EMCN: variants seen among roughly 807,000 people sequenced by gnomAD.
The protein encoded by EMCN is endomucin, also known as MUC-14.
In EMCN, 37 loss-of-function variants were observed where a neutral mutation model predicts 38.4. The observed-to-expected ratio is 0.96, with a 90% CI of 0.74 to 1.27. The LOEUF is 1.27. EMCN is among the 50% of genes most tolerant of loss of function. EMCN has a pLI of 0.00. For missense variants in EMCN, 318 were observed against 302.8 expected (o/e 1.05, Z -0.37); for synonymous variants, 95 against 100.8 (o/e 0.94, Z 0.35).
chr4:100,426,439 G>A (rs1241433193), intron 5 of EMCN, among the ~76,000 whole-genome samples: 2 of 152,016 alleles, frequency 1.3e-5, no homozygotes, highest in African/African-American at 2.4e-5. Context: ...CAGCATCCCC[G>A]TTCTCTCTCC....
intron 1 of EMCN, among the ~76,000 whole-genome samples, 185 bp from the exon 2 acceptor site, chr4:100,480,224 A>G (rs1728770629): frequency 6.6e-6 from 1 of 152,040 alleles, no homozygotes; most frequent in Non-Finnish European, 1.5e-5. Flanking sequence ...AGTGGCATGA[A>G]TTTTCAAGAT....
At chr4:100,435,622 A>C (rs183209376) in intron 5 of EMCN, among the ~76,000 whole-genome samples, 185 of 152,356 alleles carry the variant, frequency 1.2e-3, no homozygotes, top group African/African-American at 4.0e-3. Flanking sequence ...ACCTGACTTC[A>C]AACTATATTA....
At chr4:100,402,440 C>T (rs959027839) in intron 11 of EMCN, among the ~76,000 whole-genome samples, 5 of 152,112 alleles carry the variant, frequency 3.3e-5, no homozygotes, top group Non-Finnish European at 7.3e-5. Flanking sequence ...TATTCTGAAT[C>T]TCCAAGTTGA....
chr4:100,400,369 T>G (rs1726224516), intron 11 of EMCN, among the ~76,000 whole-genome samples: 1 of 152,054 alleles, frequency 6.6e-6, no homozygotes, highest in South Asian at 2.1e-4. Flanking sequence ...TTTTTTTGTT[T>G]TTTGTTTTTT....
chr4:100,475,659 C>CTGTTTTTTTTTTTTTTTTTTT (rs1560631485), intron 2 of EMCN, among the ~76,000 whole-genome samples: 3 of 60,314 alleles, frequency 5.0e-5, no homozygotes, highest in Non-Finnish European at 5.6e-5. Context: ...AATTCTAGTC[C>CTGTTTTTTTTTTTTTTTTTTT]TTTTTTTTTT....
chr4:100,472,339 TA>T (rs1295628353), intron 3 of EMCN, among the ~76,000 whole-genome samples: 2 of 151,690 alleles, frequency 1.3e-5, no homozygotes, highest in South Asian at 2.1e-4. Flanking sequence ...AAAATTGAAA[TA>T]AAAAATTATT....
intron 1 of EMCN, among the ~76,000 whole-genome samples, chr4:100,490,359 A>G (rs1356812487): frequency 6.6e-6 from 1 of 152,210 alleles, no homozygotes; most frequent in Non-Finnish European, 1.5e-5. Context: ...GATAAGCTTA[A>G]CATATTAGTA....
chr4:100,438,833 C>T (rs898962764), intron 5 of EMCN, among the ~76,000 whole-genome samples: 17 of 151,512 alleles, frequency 1.1e-4, no homozygotes, highest in African/African-American at 4.1e-4. Context: ...TTTTCTGTGT[C>T]AAGATCATTG....
chr4:100,482,029 C>T (rs1223120806), intron 1 of EMCN, among the ~76,000 whole-genome samples: 2 of 151,896 alleles, frequency 1.3e-5, no homozygotes, highest in African/African-American at 4.8e-5. Context: ...CAATAAAAGA[C>T]TCTATGATTT....
chr4:100,516,950 A>G (rs1299849615), intron 1 of EMCN, among the ~76,000 whole-genome samples: 1 of 152,002 alleles, frequency 6.6e-6, no homozygotes. Flanking sequence ...ACACTTATTA[A>G]ATCTATTTTA....
intron 10 of EMCN, among the ~76,000 whole-genome samples, chr4:100,412,798 A>G (rs3756033): frequency 0.17 from 26,379 of 152,148 alleles, 3,812 homozygotes; most frequent in East Asian, 0.77. Flanking sequence ...CAGTTTCAGC[A>G]GAAGACCTTA....
At chr4:100,401,560 A>G (rs1726261538) in intron 11 of EMCN, among the ~76,000 whole-genome samples, 1 of 152,140 alleles carries the variant, frequency 6.6e-6, no homozygotes, top group Non-Finnish European at 1.5e-5. Context: ...TTTTCCTTTT[A>G]GCTTGTGTTA....
rs757454828 is a variant in EMCN, at chr4:100,423,056, T to C, written c.533A>G (p.Asn178Ser). The C allele has an allele frequency of 6.2e-7, 1 of 1,613,082 alleles. No individual in the cohort carries two copies. Among genetic ancestry groups the C allele is most frequent in the South Asian group, 1.1e-5 (1 of 91,058 alleles). The part of the protein sequence containing the change: ...SQVIGTEGGK[N>S]ASTSATSRSY... The stretch of plus-strand genomic sequence containing the variant: ...CCGGCTGGTTGCTGAAGTGCTTGCA[T>C]TTTTTCCACCCTCAGTGCCTATTAC... The change falls in exon 7 of 12, where the codon AAT (asparagine) becomes AGT (serine). Residue 178 changes from asparagine to serine, a missense_variant. Physicochemically the swap from Asn to Ser is conservative, Grantham distance 46. Coordinates refer to ENST00000296420, the MANE Select transcript of EMCN (RefSeq NM_016242.4).
intron 1 of EMCN, among the ~76,000 whole-genome samples, chr4:100,501,117 T>TGTGTTTTCCACA (rs1364040964): frequency 1.3e-5 from 2 of 152,136 alleles, no homozygotes; most frequent in Non-Finnish European, 2.9e-5. Context: ...TGCTTTTTTG[T>TGTGTTTTCCACA]GTGTTTTCCT....
chr4:100,512,606 A>T (rs1387056509), intron 1 of EMCN, among the ~76,000 whole-genome samples: 1 of 151,994 alleles, frequency 6.6e-6, no homozygotes, highest in East Asian at 1.9e-4. Flanking sequence ...GGAGTTCGCA[A>T]CCAGTCTGGC....
chr4:100,476,249 C>G (rs1206208910), intron 2 of EMCN, among the ~76,000 whole-genome samples: 1 of 132,664 alleles, frequency 7.5e-6, no homozygotes, highest in Non-Finnish European at 1.6e-5. Flanking sequence ...TTCTTTCCTT[C>G]CTTCCTTTTT....
intron 8 of EMCN, among the ~76,000 whole-genome samples, chr4:100,420,435 G>T (rs948622243): frequency 6.6e-6 from 1 of 151,966 alleles, no homozygotes; most frequent in Non-Finnish European, 1.5e-5. Context: ...ATTCCAGAAG[G>T]AATAGTATGG....
chr4:100,517,721 A>G, intron 1 of EMCN, 130 bp downstream of exon 1: 2 of 840,734 alleles, frequency 2.4e-6, no homozygotes, highest in Non-Finnish European at 2.0e-6. Context: ...GTCAACATCC[A>G]AACACTCAAC....
At chr4:100,455,028 C>T (rs1036170770) in intron 4 of EMCN, among the ~76,000 whole-genome samples, 5 of 151,878 alleles carry the variant, frequency 3.3e-5, no homozygotes, top group East Asian at 1.9e-4. Context: ...ATGTTTAAGC[C>T]GTTTTATTTT....
Sources: gnomAD v4.1 joint callset for allele counts (sites outside exome capture counted in the v4.1 genomes callset) on GRCh38, gnomAD v4.1.1 for gene constraint, MANE v1.5 for transcripts, NCBI Gene and HGNC (gene_info 2026-07-23, HGNC 2026-07-21) for gene names.